The following EYS variants were observed in gnomAD, a reference collection of about 807,000 sequenced individuals.
EYS encodes protein eyes shut homolog.
In EYS, 250 loss-of-function variants were observed where a neutral mutation model predicts 282.1. That is an observed-to-expected ratio of 0.89 (90% CI 0.80 to 0.98). EYS has a LOEUF of 0.98. Among genes scored for constraint, EYS ranks in the 50% least tolerant of loss-of-function variants. The pLI is 0.00. For missense variants in EYS, 4,016 were observed against 3,709.0 expected (o/e 1.08, Z -2.15); for synonymous variants, 1,355 against 1,282.9 (o/e 1.06, Z -1.20).
Position 64,388,838 on chromosome 6 carries a change from T to C in EYS, c.5930A>G (p.Gln1977Arg). 2 of 1,497,266 alleles carry C rather than the reference T, an allele frequency of 1.3e-6. No individual in the cohort carries two copies. The highest frequency in any genetic ancestry group is 1.8e-6 in the Non-Finnish European group (2 of 1,122,938). The allele number at this position is 1,497,266 out of a possible 1,614,324, so 92.7% of individuals were successfully genotyped here. The change falls in exon 29 of 43, where the codon CAA (glutamine) becomes CGA (arginine). Residue 1977 changes from glutamine (Q) to arginine (R), a missense_variant and splice_region_variant. Transcript: ENST00000503581. The stretch of plus-strand genomic sequence containing the variant: ...CTCAGCGTTACATGGATCCAATTCT[T>C]GCCTGTAACCATTTAAGAAAGAAAT... The part of the protein sequence containing the change: ...NGQKYTLLIR[Q>R]ELDPCNAELT...
intron 35 of EYS, among the ~76,000 whole-genome samples, chr6:63,887,132 A>C (rs771972443): frequency 6.6e-6 from 1 of 152,152 alleles, no homozygotes; most frequent in African/African-American, 2.4e-5. Flanking sequence ...ATCTGCAGGC[A>C]TAAGCACCAG....
chr6:64,831,117 T>C (rs1765200598), intron 19 of EYS, among the ~76,000 whole-genome samples: 1 of 152,018 alleles, frequency 6.6e-6, no homozygotes, highest in South Asian at 2.1e-4. Context: ...GGCATTGCTG[T>C]TGAAAGTAGT....
chr6:65,128,940 C>A (rs1446927481), intron 12 of EYS, among the ~76,000 whole-genome samples: 3 of 151,992 alleles, frequency 2.0e-5, no homozygotes, highest in East Asian at 1.9e-4. Context: ...GTAAAAAAAA[C>A]CAGCATGGAA....
chr6:63,802,920 A>C (rs921833614), intron 37 of EYS, among the ~76,000 whole-genome samples: 7 of 152,242 alleles, frequency 4.6e-5, no homozygotes, highest in African/African-American at 1.7e-4. Flanking sequence ...TAAACCTATA[A>C]ATGCAAATGT....
At chr6:63,976,040 G>A (rs1766821109) in intron 35 of EYS, among the ~76,000 whole-genome samples, 2 of 151,978 alleles carry the variant, frequency 1.3e-5, no homozygotes, top group Admixed American at 1.3e-4. Context: ...GTAGGCAATT[G>A]TAACACAGTG....
chr6:65,506,490 T>C (rs1766664378), intron 2 of EYS, among the ~76,000 whole-genome samples: 1 of 59,278 alleles, frequency 1.7e-5, no homozygotes, highest in Non-Finnish European at 2.9e-5. Flanking sequence ...TTTTTTTTTT[T>C]TTTTTTTTTT....
intron 13 of EYS, among the ~76,000 whole-genome samples, chr6:65,027,295 C>T (rs186291137): frequency 6.6e-6 from 1 of 152,108 alleles, no homozygotes; most frequent in Non-Finnish European, 1.5e-5. Flanking sequence ...TAATGTCATA[C>T]TTTTCTAATG....
At chr6:63,804,010 A>G (rs1019858731) in intron 37 of EYS, among the ~76,000 whole-genome samples, 1 of 151,620 alleles carries the variant, frequency 6.6e-6, no homozygotes, top group South Asian at 2.1e-4. Flanking sequence ...GAGTACAATG[A>G]TTTTTTTTCT....
Position 64,590,575 on chromosome 6 carries a change from A to G in EYS, c.5292T>C (p.Ile1764=). The change falls in exon 26 of 43, where the codon ATT becomes ATC. Residue 1764 remains isoleucine, a synonymous_variant. Transcript: ENST00000503581. ...TATTTTTGAAGTCATTTGCATGTGT[A>G]ATTTCTGAATATGTCTTTAAAGTAA... ...PDVTLKTYSE[I]THANDFKNNL... 2 of 1,551,360 alleles carry G rather than the reference A, an allele frequency of 1.3e-6. No individual in the cohort carries two copies. The highest frequency in any genetic ancestry group is 2.4e-5 in the South Asian group (2 of 84,062).
At chr6:64,823,341 C>G (rs967421512) in intron 19 of EYS, among the ~76,000 whole-genome samples, 2 of 151,646 alleles carry the variant, frequency 1.3e-5, no homozygotes, top group Admixed American at 6.6e-5. Context: ...TACCAAGAAC[C>G]ACCTCTATGC....
At chr6:65,657,862 T>C (rs2200941) in intron 1 of EYS, among the ~76,000 whole-genome samples, 18 of 151,520 alleles carry the variant, frequency 1.2e-4, no homozygotes, top group African/African-American at 4.1e-4. Context: ...CAAACTTTAT[T>C]GTTGTCTTAT....
At chr6:64,022,279 C>T (rs1014584497) in intron 33 of EYS, among the ~76,000 whole-genome samples, 1 of 152,078 alleles carries the variant, frequency 6.6e-6, no homozygotes, top group African/African-American at 2.4e-5. Flanking sequence ...TCATCAAAAC[C>T]TGAGAATAAA....
chr6:64,267,642 A>T (rs1216126285), intron 30 of EYS, among the ~76,000 whole-genome samples: 2 of 152,172 alleles, frequency 1.3e-5, no homozygotes, highest in Non-Finnish European at 2.9e-5. Context: ...GAAACTAGTA[A>T]CAAAATCAGA....
chr6:65,659,484 A>T (rs1044939135), intron 1 of EYS, among the ~76,000 whole-genome samples: 1 of 151,772 alleles, frequency 6.6e-6, no homozygotes, highest in Non-Finnish European at 1.5e-5. Flanking sequence ...CCAAACTCAG[A>T]TTTCCATCAA....
At position 64,066,075 on chromosome 6, in the gene EYS, G is replaced by A. The variant is rs1379623807; in HGVS notation, c.6725+263C>T. Reference sequence around the variant, plus strand: ...TCAGGAGTTTGAGACCAGCCTGGCCGGCATGGTGAAACCCCATCTCTACTA... The same window carrying A: ...TCAGGAGTTTGAGACCAGCCTGGCCAGCATGGTGAAACCCCATCTCTACTA... On this transcript the variant is annotated intron_variant, in intron 33 of 42. Transcript: ENST00000503581. Among the ~76,000 whole-genome samples the A allele has an allele frequency of 2.0e-5, 3 of 151,928 alleles. No individual in the cohort carries two copies. The South Asian group carries it at 6.2e-4, about 32-fold the overall frequency.
At chr6:65,073,614 A>G (rs1359083620) in intron 12 of EYS, among the ~76,000 whole-genome samples, 1 of 151,710 alleles carries the variant, frequency 6.6e-6, no homozygotes, top group Non-Finnish European at 1.5e-5. Flanking sequence ...AACAAAATTT[A>G]AAATGTTACA....
intron 13 of EYS, among the ~76,000 whole-genome samples, chr6:65,030,926 C>T (rs990978297): frequency 6.6e-6 from 1 of 151,872 alleles, no homozygotes; most frequent in South Asian, 2.1e-4. Flanking sequence ...GCAATGACAC[C>T]CATAGCCTCA....
intron 5 of EYS, among the ~76,000 whole-genome samples, chr6:65,487,967 T>C (rs576136013): frequency 6.6e-6 from 1 of 152,272 alleles, no homozygotes; most frequent in Admixed American, 6.5e-5. Context: ...TGCATAGAGG[T>C]GTTTATACTA....
intron 12 of EYS, among the ~76,000 whole-genome samples, chr6:65,201,870 T>C (rs1181024483): frequency 6.6e-6 from 1 of 152,072 alleles, no homozygotes; most frequent in Non-Finnish European, 1.5e-5. Flanking sequence ...TCCAGCACTT[T>C]GAGAAGCCGA....
Sources: gnomAD v4.1 joint callset for allele counts (sites outside exome capture counted in the v4.1 genomes callset) on GRCh38, gnomAD v4.1.1 for gene constraint, MANE v1.5 for transcripts, NCBI Gene and HGNC (gene_info 2026-07-23, HGNC 2026-07-21) for gene names.